Variants in MEI4 observed in about 807,000 individuals in gnomAD.
MEI4 encodes the protein meiotic double-stranded break formation protein 4.
In MEI4, 27 loss-of-function variants were observed where a neutral mutation model predicts 31.4. The observed-to-expected ratio is 0.86, with a 90% CI of 0.63 to 1.19. The LOEUF (loss-of-function observed/expected upper bound fraction) is 1.19. Ranked by LOEUF, MEI4 falls within the 50% of genes most tolerant of loss-of-function variation. The pLI is 0.00. For missense variants in MEI4, 329 were observed against 398.9 expected, an observed-to-expected ratio of 0.82 and a Z score of 1.49; for synonymous variants, 122 against 145.4, an observed-to-expected ratio of 0.84 and a Z score of 1.16.
chr6:77,689,460 C>G (rs1769117878), intron 1 of MEI4, among the ~76,000 whole-genome samples: 1 of 152,020 alleles, frequency 6.6e-6, no homozygotes, highest in Non-Finnish European at 1.5e-5. Flanking sequence ...TTAGATTGTA[C>G]ATTTTCAGTG....
intron 2 of MEI4, among the ~76,000 whole-genome samples, chr6:77,714,159 A>G (rs1766528577): frequency 6.6e-6 from 1 of 151,964 alleles, no homozygotes; most frequent in African/African-American, 2.4e-5. Flanking sequence ...GATTGATTCT[A>G]TGTCTTTGCT....
intron 2 of MEI4, among the ~76,000 whole-genome samples, chr6:77,727,363 TG>T (rs1299460631): frequency 1.3e-5 from 2 of 152,234 alleles, no homozygotes; most frequent in African/African-American, 4.8e-5. Flanking sequence ...GGGGATTTTA[TG>T]AATGTTTTAT....
intron 3 of MEI4, among the ~76,000 whole-genome samples, chr6:77,785,702 G>C (rs1768717114): frequency 6.6e-6 from 1 of 152,286 alleles, no homozygotes; most frequent in Non-Finnish European, 1.5e-5. Context: ...AATTCGGAAA[G>C]AGTGGAGATG....
chr6:77,747,954 G>A (rs1235977524), intron 2 of MEI4, among the ~76,000 whole-genome samples: 1 of 152,240 alleles, frequency 6.6e-6, no homozygotes, highest in Non-Finnish European at 1.5e-5. Context: ...CCCCATGCAA[G>A]TGCAGAATCC....
chr6:77,749,726 C>T (rs1001329635), intron 2 of MEI4, among the ~76,000 whole-genome samples: 1 of 152,166 alleles, frequency 6.6e-6, no homozygotes, highest in African/African-American at 2.4e-5. Flanking sequence ...CTTCCCCAAA[C>T]TAGCAAGGCA....
At chr6:77,832,559 TA>T (rs1343148955) in intron 4 of MEI4, among the ~76,000 whole-genome samples, 1 of 152,086 alleles carries the variant, frequency 6.6e-6, no homozygotes, top group African/African-American at 2.4e-5. Context: ...TTGTTTGAAA[TA>T]AATAGCGATT....
In MEI4 at chr6:77,820,738, A is replaced by T. The variant is rs145335752; in HGVS notation, c.769-8193A>T. ...GTAGTTTGAAGATACTAGATCAAAGATGTATGGCTTTTATTGTTGCTATTA... is the reference window on the plus strand; with the variant it reads ...GTAGTTTGAAGATACTAGATCAAAGTTGTATGGCTTTTATTGTTGCTATTA... On this transcript the variant is annotated intron_variant, in intron 3 of 4. Transcript: ENST00000684080. This position sits in a 1 kb window ranked among gnomAD's most constrained non-coding sequence, Gnocchi z 4.5. Among the ~76,000 whole-genome samples, 1 of 151,898 alleles carries T rather than the reference A, an allele frequency of 6.6e-6. No individual in the cohort carries two copies. The highest frequency in any genetic ancestry group is 1.9e-4 in the East Asian group (1 of 5,176).
At chr6:77,786,485 A>G (rs1294326709) in intron 3 of MEI4, among the ~76,000 whole-genome samples, 1 of 152,192 alleles carries the variant, frequency 6.6e-6, no homozygotes, top group Non-Finnish European at 1.5e-5. Context: ...AAACATTCCC[A>G]TTTTATAGTA....
intron 4 of MEI4, among the ~76,000 whole-genome samples, chr6:77,915,682 A>G (rs534785196): frequency 2.0e-5 from 3 of 152,050 alleles, no homozygotes; most frequent in African/African-American, 7.2e-5. Flanking sequence ...GTCCCTTTAT[A>G]ATTATATAAT....
intron 1 of MEI4, among the ~76,000 whole-genome samples, chr6:77,670,266 T>G (rs1456738127): frequency 1.3e-5 from 2 of 152,026 alleles, no homozygotes; most frequent in Admixed American, 6.6e-5. Flanking sequence ...AGTCTTCTCT[T>G]TTTTCAGCAG....
At chr6:77,859,071 G>A (rs916658478) in intron 4 of MEI4, among the ~76,000 whole-genome samples, 1 of 152,130 alleles carries the variant, frequency 6.6e-6, no homozygotes, top group Non-Finnish European at 1.5e-5. Context: ...CCCTGTCTGT[G>A]ACCATGTGTC....
rs56200585 is a variant in MEI4, at chr6:77,808,780, G to C, written c.769-20151G>C. ...CAAGCCCTTAGGAAAAGAAAGGAAA[G>C]AAACAGGATAAGAAGAAGTGGAGCA... On this transcript the variant is annotated intron_variant, in intron 3 of 4. Transcript: ENST00000684080. Among the ~76,000 whole-genome samples the C allele has an allele frequency of 9.1e-3, 1,391 of 152,266 alleles. 17 individuals carry two copies. The highest frequency in any genetic ancestry group is 0.031 in the African/African-American group (1,288 of 41,566).
intron 1 of MEI4, among the ~76,000 whole-genome samples, chr6:77,669,933 G>T (rs1234827086): frequency 6.6e-6 from 1 of 152,188 alleles, no homozygotes; most frequent in Non-Finnish European, 1.5e-5. Flanking sequence ...TTGTCCAGGG[G>T]CTTGTGTAGT....
At chr6:77,882,326 T>C (rs2127728969) in intron 4 of MEI4, among the ~76,000 whole-genome samples, 1 of 152,322 alleles carries the variant, frequency 6.6e-6, no homozygotes, top group East Asian at 1.9e-4. Flanking sequence ...CCATGATTGA[T>C]TGAATCATCA....
In MEI4 at chr6:77,742,841, C is replaced by G. The variant is rs529751626; in HGVS notation, c.233-18289C>G. ...TCCAGTTTCAGCTTTCTACATATGG[C>G]TAGCCAGTTTTCCCAGCACCATTTA... is the stretch of plus-strand genomic sequence containing the variant. On this transcript the variant is annotated intron_variant, in intron 2 of 4. Coordinates refer to ENST00000684080, the MANE Select transcript of MEI4 (RefSeq NM_001322247.2). 1.3e-3 allele frequency among the ~76,000 whole-genome samples: 202 copies of G among 152,162 alleles called. 1 individual carries two copies. The highest frequency in any genetic ancestry group is 7.3e-3 in the Admixed American group (112 of 15,288).
chr6:77,730,937 T>A (rs1766969865), intron 2 of MEI4, among the ~76,000 whole-genome samples: 1 of 151,784 alleles, frequency 6.6e-6, no homozygotes, highest in African/African-American at 2.4e-5. Flanking sequence ...TTCATCCATG[T>A]CCCTACAAAG....
At position 77,924,827 on chromosome 6, in the gene MEI4, CAG is replaced by C. The variant is rs1472740232; in HGVS notation, c.*1482_*1483del. The stretch of plus-strand genomic sequence containing the variant: ...GTCAAGCCCAAAGAAAAGTGACTGA[CAG>C]GGGAGTAGACTTGAGTGGGAGAACT... On this transcript the variant is annotated 3_prime_UTR_variant, in exon 5 of 5. Transcript: ENST00000684080. 3 of 151,834 alleles carry C rather than the reference CAG, an allele frequency of 2.0e-5. No homozygotes were observed. Among genetic ancestry groups the C allele is most frequent in the South Asian group, 2.1e-4 (1 of 4,826 alleles). 9.4% of individuals were successfully genotyped at this position (151,834 alleles called of 1,614,324 possible). A position where few individuals can be genotyped will look rare whatever the true frequency, so the allele number is the denominator to read the frequency against.
At chr6:77,749,052 A>G (rs1291751493) in intron 2 of MEI4, among the ~76,000 whole-genome samples, 1 of 152,178 alleles carries the variant, frequency 6.6e-6, no homozygotes. Context: ...GAAAACTAAC[A>G]AACAGAAAGG....
At chr6:77,803,937 G>C (rs1446788480) in intron 3 of MEI4, among the ~76,000 whole-genome samples, 1 of 152,172 alleles carries the variant, frequency 6.6e-6, no homozygotes, top group Non-Finnish European at 1.5e-5. Flanking sequence ...ACTTGAGGAG[G>C]CCGTCTGTCC....
Sources: allele counts gnomAD v4.1 joint callset (sites outside exome capture counted in the v4.1 genomes callset), GRCh38; gene constraint gnomAD v4.1.1; non-coding constraint Gnocchi (gnomAD v3.1); transcripts MANE v1.5; gene names NCBI Gene and HGNC (gene_info 2026-07-23, HGNC 2026-07-21).